COL23A1: variants seen among roughly 807,000 people sequenced by gnomAD.
COL23A1 encodes the protein collagen alpha-1(XXIII) chain.
COL23A1 carries 97 observed loss-of-function variants against 99.3 expected under a neutral mutation model. The ratio of observed to expected loss-of-function variants is 0.98; its 90% CI spans 0.83 to 1.16. The LOEUF is 1.16. Among genes scored for constraint, COL23A1 ranks in the 50% most tolerant of loss-of-function variants. COL23A1 has a pLI of 0.00. For synonymous variants in COL23A1, 320 were observed against 308.2 expected (o/e 1.04, Z -0.40); for missense variants, 762 against 757.4 (o/e 1.01, Z -0.07).
chr5:178,237,706 A>T lies in COL23A1; in HGVS notation c.*992T>A, dbSNP rs1371194840. The T allele has an allele frequency of 1.3e-5, 2 of 152,722 alleles. No individual in the cohort carries two copies. The highest frequency in any genetic ancestry group is 6.5e-5 in the Admixed American group (1 of 15,288). The allele number at this position is 152,722 out of a possible 1,614,324, so 9.5% of individuals were successfully genotyped here. On this transcript the variant is annotated 3_prime_UTR_variant, in exon 29 of 29. Coordinates refer to ENST00000390654, the MANE Select transcript of COL23A1 (RefSeq NM_173465.4). ...GCCAGGATGGAGCTGGTTGCTGGGA[A>T]CACTTGCTGGAGGTGGAAAAGCCTC...
chr5:178,360,612 C>T (rs1258460525), intron 2 of COL23A1, among the ~76,000 whole-genome samples: 1 of 152,218 alleles, frequency 6.6e-6, no homozygotes, highest in African/African-American at 2.4e-5. Flanking sequence ...CTCTGAGCCT[C>T]GGTGTCCCCA....
chr5:178,251,916 T>TC (rs1765054744), intron 17 of COL23A1, among the ~76,000 whole-genome samples: 1 of 136,324 alleles, frequency 7.3e-6, no homozygotes, highest in Non-Finnish European at 1.7e-5. Context: ...TTTCTTTTTT[T>TC]TTTTTTTTTA....
intron 2 of COL23A1, among the ~76,000 whole-genome samples, chr5:178,314,234 C>G (rs988881437): frequency 2.6e-5 from 4 of 152,122 alleles, no homozygotes; most frequent in South Asian, 2.1e-4. Context: ...TACGTCCCCC[C>G]CAGAGTCATC....
In COL23A1 at chr5:178,262,251, C is replaced by G; in HGVS notation, c.641G>C (p.Gly214Ala). The G allele has an allele frequency of 6.3e-7, 1 of 1,581,452 alleles. No individual in the cohort carries two copies. ...GTCTTGTCCGGGCTCTCCTTTGGGG[C>G]CCTGCGGAAGTGTGAGGGGACAGCA... ...DGPRGAQGPAGPKGEPGQDGE... is the reference protein window; with the variant it reads ...DGPRGAQGPAAPKGEPGQDGE... Residue 214 changes from glycine (G) to alanine (A), a missense_variant and splice_region_variant, in exon 10 of 29, where the codon GGC (glycine) becomes GCC (alanine). Transcript: ENST00000390654.
At chr5:178,571,947 A>G (rs960520881) in intron 1 of COL23A1, among the ~76,000 whole-genome samples, 2 of 152,126 alleles carry the variant, frequency 1.3e-5, no homozygotes, top group Non-Finnish European at 2.9e-5. Flanking sequence ...GGGCGCCTGT[A>G]GTCCCAGCTA....
chr5:178,410,076 G>C (rs1764983353), intron 2 of COL23A1, among the ~76,000 whole-genome samples: 2 of 152,088 alleles, frequency 1.3e-5, no homozygotes, highest in African/African-American at 4.8e-5. Flanking sequence ...ACATCAAATT[G>C]AGACAAACAG....
chr5:178,261,487 C>G (rs566340709), intron 11 of COL23A1, among the ~76,000 whole-genome samples: 1 of 152,216 alleles, frequency 6.6e-6, no homozygotes, highest in African/African-American at 2.4e-5. Context: ...TGATTCAACC[C>G]TCGCAACTCA....
At position 178,366,721 on chromosome 5, in the gene COL23A1, C is replaced by T. The variant is rs150356223; in HGVS notation, c.362-59802G>A. 2.9e-3 allele frequency among the ~76,000 whole-genome samples: 448 copies of T among 152,336 alleles called. 3 individuals carry two copies. Among genetic ancestry groups the T allele is most frequent in the African/African-American group, 0.01 (425 of 41,574 alleles). On this transcript the variant is annotated intron_variant, in intron 2 of 28. Transcript: ENST00000390654. The surrounding 1 kb of genome is among the most constrained non-coding windows in gnomAD (Gnocchi z 4.4). ...CAGCCACACTGAGCATCCCAAACCT[C>T]GCCGGAAGCACGTTCCTCCTCCGTG...
At position 178,488,835 on chromosome 5, in the gene COL23A1, A is replaced by C. The variant is rs13358174; in HGVS notation, c.361+71847T>G. ...GGAAGCAAATGGGATGGGCTCTGCC[A>C]GGCTTAGGAAGGAAGAGGTGGTGTC... On this transcript the variant is annotated intron_variant, in intron 2 of 28. Transcript: ENST00000390654. Among the ~76,000 whole-genome samples, 605 of 152,350 alleles carry C rather than the reference A, an allele frequency of 4.0e-3. 5 individuals are homozygous for C. The highest frequency in any genetic ancestry group is 0.014 in the African/African-American group (578 of 41,586).
rs756647652 is a variant in COL23A1, at chr5:178,306,892, C to T, written c.389G>A (p.Gly130Glu). 1.8e-5 allele frequency: 28 copies of T among 1,547,148 alleles called. No homozygotes were observed. The highest frequency in any genetic ancestry group is 2.1e-5 in the Non-Finnish European group (24 of 1,146,578). ...PGPPGRRGKP[G>E]RRGDPGPPGQ... Reference sequence around the variant, plus strand: ...GGACTCACCAGGGTCGCCTCTTCTCCCAGGCTTGCCGCGCCGTCCAGGGGG... The same window carrying T: ...GGACTCACCAGGGTCGCCTCTTCTCTCAGGCTTGCCGCGCCGTCCAGGGGG... Residue 130 changes from glycine to glutamate, a missense_variant, in exon 3 of 29, where the codon GGG becomes GAG. Physicochemically the swap from Gly to Glu is moderately conservative, Grantham distance 98. Coordinates refer to ENST00000390654, the MANE Select transcript of COL23A1 (RefSeq NM_173465.4). This position sits in a 1 kb window ranked among gnomAD's most constrained non-coding sequence, Gnocchi z 4.1.
chr5:178,566,140 A>T (rs1034063511), intron 1 of COL23A1, among the ~76,000 whole-genome samples: 2 of 152,074 alleles, frequency 1.3e-5, no homozygotes, highest in South Asian at 4.2e-4. Flanking sequence ...AAAATAAATT[A>T]AAAATAACAA....
At chr5:178,485,352 G>A (rs1174226978) in intron 2 of COL23A1, among the ~76,000 whole-genome samples, 5 of 152,012 alleles carry the variant, frequency 3.3e-5, no homozygotes, top group African/African-American at 1.2e-4. Context: ...GTGTGTGCCT[G>A]TAGTCCCAGC....
At chr5:178,461,966 G>A (rs952755937) in intron 2 of COL23A1, among the ~76,000 whole-genome samples, 1 of 152,230 alleles carries the variant, frequency 6.6e-6, no homozygotes, top group Non-Finnish European at 1.5e-5. Flanking sequence ...GAGCTGCCGC[G>A]AAAGTTCCTG....
chr5:178,548,465 T>C (rs1046386383), intron 2 of COL23A1, among the ~76,000 whole-genome samples: 14 of 152,054 alleles, frequency 9.2e-5, no homozygotes, highest in African/African-American at 3.4e-4. Flanking sequence ...TCACCCGATC[T>C]TCCCTCTCCC....
chr5:178,541,236 A>G (rs950475572), intron 2 of COL23A1, among the ~76,000 whole-genome samples: 5 of 152,206 alleles, frequency 3.3e-5, no homozygotes, highest in Non-Finnish European at 5.9e-5. Context: ...AGTGTTGGGG[A>G]GGATGCAGAG....
At chr5:178,315,335 C>T (rs1327245538) in intron 2 of COL23A1, among the ~76,000 whole-genome samples, 1 of 152,118 alleles carries the variant, frequency 6.6e-6, no homozygotes, top group African/African-American at 2.4e-5. Flanking sequence ...GATGGTAGGA[C>T]CTGCTGACGG....
intron 2 of COL23A1, among the ~76,000 whole-genome samples, chr5:178,496,405 C>T (rs1231568371): frequency 6.6e-6 from 1 of 152,166 alleles, no homozygotes; most frequent in Non-Finnish European, 1.5e-5. Flanking sequence ...GAAAGGAATG[C>T]CTTCTTGTTC....
chr5:178,514,938 G>A (rs557431931), intron 2 of COL23A1, among the ~76,000 whole-genome samples: 7 of 152,340 alleles, frequency 4.6e-5, no homozygotes, highest in South Asian at 2.1e-4. Context: ...ACCAAGTCTC[G>A]TTTGTGTTTT....
intron 3 of COL23A1, among the ~76,000 whole-genome samples, chr5:178,301,845 A>G (rs1244492750): frequency 6.6e-6 from 1 of 150,512 alleles, no homozygotes; most frequent in Non-Finnish European, 1.5e-5. Flanking sequence ...TGTGCGCCGG[A>G]GCACAGCTTC....
Sources: gnomAD v4.1 joint callset for allele counts (sites outside exome capture counted in the v4.1 genomes callset) on GRCh38, gnomAD v4.1.1 for gene constraint, Gnocchi (gnomAD v3.1) non-coding constraint, MANE v1.5 for transcripts, NCBI Gene and HGNC (gene_info 2026-07-23, HGNC 2026-07-21) for gene names.